Variants in BNC2 observed in about 807,000 individuals in gnomAD.
The protein encoded by BNC2 is basonuclin zinc finger protein 2.
A neutral mutation model predicts 76.3 loss-of-function variants in BNC2; 20 were observed. That is an observed-to-expected ratio of 0.26 (90% CI 0.18 to 0.38). BNC2 has a LOEUF of 0.38. Among genes scored for constraint, BNC2 ranks in the 10% least tolerant of loss-of-function variants. The pLI, the probability that BNC2 is intolerant of heterozygous loss-of-function variation, is 1.00. For missense variants in BNC2, 1,382 were observed against 1,399.8 expected (o/e 0.99, Z 0.20); for synonymous variants, 582 against 514.8 (o/e 1.13, Z -1.77).
At chr9:16,426,560 A>C (rs1227344640) in intron 6 of BNC2, among the ~76,000 whole-genome samples, 1 of 152,194 alleles carries the variant, frequency 6.6e-6, no homozygotes, top group Non-Finnish European at 1.5e-5. Flanking sequence ...AATCAATATT[A>C]GTATTTAGCT....
At chr9:16,750,429 T>C (rs1003068971) in intron 1 of BNC2, among the ~76,000 whole-genome samples, 2 of 152,220 alleles carry the variant, frequency 1.3e-5, no homozygotes, top group Non-Finnish European at 2.9e-5. Context: ...TCTAAACTAA[T>C]GTCATATCAT....
chr9:16,528,331 A>G (rs1392802011), intron 5 of BNC2, among the ~76,000 whole-genome samples: 1 of 152,198 alleles, frequency 6.6e-6, no homozygotes, highest in East Asian at 1.9e-4. Context: ...TATGTCACAG[A>G]AATTTTCAGT....
At chr9:16,484,872 T>C (rs997694) in intron 5 of BNC2, among the ~76,000 whole-genome samples, 58,652 of 151,962 alleles carry the variant, frequency 0.39, 11,919 homozygotes, top group African/African-American at 0.52. Context: ...CAATGACAAG[T>C]GATGGGGGAG....
intron 3 of BNC2, among the ~76,000 whole-genome samples, chr9:16,585,277 G>A (rs1333380612): frequency 6.6e-6 from 1 of 151,998 alleles, no homozygotes; most frequent in Non-Finnish European, 1.5e-5. Flanking sequence ...ACAAGTTTAT[G>A]ATTCAAATAT....
intron 5 of BNC2, among the ~76,000 whole-genome samples, chr9:16,460,451 C>A (rs1165557301): frequency 6.6e-6 from 1 of 152,050 alleles, no homozygotes; most frequent in Non-Finnish European, 1.5e-5. Context: ...GGTGAAACCC[C>A]GTCTCTACTA....
At chr9:16,856,092 T>C (rs1769443656) in intron 1 of BNC2, among the ~76,000 whole-genome samples, 1 of 152,084 alleles carries the variant, frequency 6.6e-6, no homozygotes, top group Non-Finnish European at 1.5e-5. Flanking sequence ...CAAAAAACAA[T>C]GTATCAAGTA....
chr9:16,695,585 G>C (rs973386423), intron 3 of BNC2, among the ~76,000 whole-genome samples: 1 of 146,690 alleles, frequency 6.8e-6, no homozygotes, highest in Non-Finnish European at 1.5e-5. Flanking sequence ...AAGTTACCCA[G>C]GCTGGTCTTG....
At chr9:16,788,502 G>A (rs1272197169) in intron 1 of BNC2, among the ~76,000 whole-genome samples, 13 of 147,094 alleles carry the variant, frequency 8.8e-5, no homozygotes, top group Admixed American at 1.4e-4. Flanking sequence ...GCAGTGAGCC[G>A]AGATGACGCC....
chr9:16,694,610 G>C (rs1418913478), intron 3 of BNC2, among the ~76,000 whole-genome samples: 2 of 152,154 alleles, frequency 1.3e-5, no homozygotes, highest in African/African-American at 4.8e-5. Context: ...CTTCTGCCAA[G>C]GCTCATAATG....
intron 4 of BNC2, chr9:16,579,901 T>C: frequency 2.6e-6 from 1 of 390,734 alleles, no homozygotes; most frequent in Non-Finnish European, 4.5e-6. Context: ...GCAGCAGATA[T>C]TAAAAATTTT....
intron 3 of BNC2, among the ~76,000 whole-genome samples, chr9:16,721,514 C>A (rs2134878101): frequency 6.6e-6 from 1 of 152,174 alleles, no homozygotes; most frequent in East Asian, 1.9e-4. Context: ...CCTAGGACCC[C>A]CAAACAATCT....
intron 5 of BNC2, among the ~76,000 whole-genome samples, chr9:16,456,341 G>C (rs1438904313): frequency 6.6e-6 from 1 of 151,766 alleles, no homozygotes; most frequent in African/African-American, 2.4e-5. Context: ...ATTTTCTTTG[G>C]AGTAAGGCAT....
At chr9:16,801,201 T>C (rs1391888945) in intron 1 of BNC2, among the ~76,000 whole-genome samples, 1 of 152,134 alleles carries the variant, frequency 6.6e-6, no homozygotes, top group Non-Finnish European at 1.5e-5. Flanking sequence ...CCAAAGACTT[T>C]AGCAAAAATA....
At chr9:16,445,074 A>G (rs1363948072) in intron 5 of BNC2, among the ~76,000 whole-genome samples, 1 of 152,218 alleles carries the variant, frequency 6.6e-6, no homozygotes, top group Non-Finnish European at 1.5e-5. Flanking sequence ...GGAGAAGAAT[A>G]AAAATGGCCA....
intron 5 of BNC2, among the ~76,000 whole-genome samples, chr9:16,521,414 G>C (rs958013686): frequency 2.6e-5 from 4 of 152,190 alleles, no homozygotes; most frequent in African/African-American, 9.7e-5. Context: ...GCAATGTCAT[G>C]ACACTTCAGT....
intron 3 of BNC2, among the ~76,000 whole-genome samples, chr9:16,720,498 T>C (rs1824124429): frequency 6.6e-6 from 1 of 152,118 alleles, no homozygotes; most frequent in South Asian, 2.1e-4. Flanking sequence ...CTAAAGACAG[T>C]AGCGAAATAA....
intron 5 of BNC2, among the ~76,000 whole-genome samples, chr9:16,486,308 G>T (rs1397970125): frequency 6.6e-6 from 1 of 152,192 alleles, no homozygotes; most frequent in Non-Finnish European, 1.5e-5. Flanking sequence ...TAAGTGTTAG[G>T]ACAGTAATTA....
At chr9:16,757,709 C>T (rs1404988188) in intron 1 of BNC2, among the ~76,000 whole-genome samples, 4 of 72,154 alleles carry the variant, frequency 5.5e-5, no homozygotes, top group South Asian at 6.6e-4. Context: ...GCAAAGCAAC[C>T]CTTGATTTTA....
chr9:16,496,070 G>A (rs1321565036), intron 5 of BNC2, among the ~76,000 whole-genome samples: 3 of 151,570 alleles, frequency 2.0e-5, no homozygotes, highest in African/African-American at 4.8e-5. Flanking sequence ...CACCATGCCC[G>A]GCTAATCTTT....
Sources: gnomAD v4.1 joint callset for allele counts (sites outside exome capture counted in the v4.1 genomes callset) on GRCh38, gnomAD v4.1.1 for gene constraint, MANE v1.5 for transcripts, NCBI Gene and HGNC (gene_info 2026-07-23, HGNC 2026-07-21) for gene names.